Variants in PARD3 observed in about 807,000 individuals in gnomAD.
PARD3 encodes the protein par-3 family cell polarity regulator, also known as partitioning defective 3 homolog.
In PARD3, 75 loss-of-function variants were observed where a neutral mutation model predicts 155.4. That is an observed-to-expected ratio of 0.48 (90% confidence interval 0.40 to 0.58). PARD3 has a LOEUF of 0.58. Among genes scored for constraint, PARD3 ranks in the 20% least tolerant of loss-of-function variants. The pLI is 0.00. For missense variants in PARD3, 1,642 were observed against 1,721.7 expected, an observed-to-expected ratio of 0.95 and a Z score of 0.82; for synonymous variants, 576 against 610.5, an observed-to-expected ratio of 0.94 and a Z score of 0.83.
At chr10:34,501,411 G>A (rs1279242600) in intron 3 of PARD3, among the ~76,000 whole-genome samples, 1 of 152,008 alleles carries the variant, frequency 6.6e-6, no homozygotes, top group African/African-American at 2.4e-5. Flanking sequence ...GGCTTCCCTA[G>A]ATGCCAAGCA....
intron 18 of PARD3, among the ~76,000 whole-genome samples, chr10:34,334,183 TTC>T (rs1315421739): frequency 1.3e-5 from 2 of 151,714 alleles, no homozygotes. Context: ...AGAAATCCAA[TTC>T]TCTTCTTATA....
At chr10:34,756,622 T>A (rs1039497163) in intron 1 of PARD3, among the ~76,000 whole-genome samples, 14 of 151,980 alleles carry the variant, frequency 9.2e-5, no homozygotes, top group African/African-American at 3.1e-4. Flanking sequence ...CTTGACTAGT[T>A]TTTTTACTTT....
chr10:34,687,228 A>AT (rs1281856029), intron 2 of PARD3, among the ~76,000 whole-genome samples: 1 of 152,148 alleles, frequency 6.6e-6, no homozygotes, highest in African/African-American at 2.4e-5. Flanking sequence ...TTTTATTACC[A>AT]TAAGAGGCAC....
chr10:34,391,141 C>T (rs900682286), intron 7 of PARD3, among the ~76,000 whole-genome samples: 7 of 152,102 alleles, frequency 4.6e-5, no homozygotes, highest in Non-Finnish European at 8.8e-5. Context: ...GCCCACTTAA[C>T]CCACCCAAAC....
chr10:34,624,700 C>T (rs2091892181), intron 2 of PARD3, among the ~76,000 whole-genome samples: 1 of 152,238 alleles, frequency 6.6e-6, no homozygotes, highest in Non-Finnish European at 1.5e-5. Flanking sequence ...ACACTGTGCC[C>T]TGCACAGGCC....
At chr10:34,777,463 C>T (rs978182251) in intron 1 of PARD3, among the ~76,000 whole-genome samples, 26 of 152,180 alleles carry the variant, frequency 1.7e-4, no homozygotes, top group African/African-American at 6.3e-4. Context: ...CCTCTCTCTC[C>T]CCGCACAGGG....
intron 1 of PARD3, among the ~76,000 whole-genome samples, chr10:34,776,482 A>G (rs1336651670): frequency 6.6e-6 from 1 of 152,180 alleles, no homozygotes; most frequent in Admixed American, 6.5e-5. Context: ...GGAGGAAACA[A>G]AAATGTGGTA....
chr10:34,545,482 T>C (rs1458363222), intron 2 of PARD3, among the ~76,000 whole-genome samples: 8 of 152,202 alleles, frequency 5.3e-5, no homozygotes, highest in African/African-American at 1.2e-4. Context: ...AGAAAAAATA[T>C]TATAACTGCC....
At chr10:34,207,978 A>G (rs1951559393) in intron 22 of PARD3, among the ~76,000 whole-genome samples, 1 of 152,224 alleles carries the variant, frequency 6.6e-6, no homozygotes, top group Non-Finnish European at 1.5e-5. Context: ...CTCTCTCTGG[A>G]TAATATATGC....
At chr10:34,379,151 T>C (rs1335648858) in intron 9 of PARD3, among the ~76,000 whole-genome samples, 1 of 151,884 alleles carries the variant, frequency 6.6e-6, no homozygotes, top group Non-Finnish European at 1.5e-5. Context: ...TCTGTAAAGG[T>C]GAAAAATCTA....
At chr10:34,198,820 TC>T (rs1163147768) in intron 22 of PARD3, among the ~76,000 whole-genome samples, 1 of 152,054 alleles carries the variant, frequency 6.6e-6, no homozygotes, top group Non-Finnish European at 1.5e-5. Context: ...ACCCCAGGCC[TC>T]CCATGTATTT....
At chr10:34,130,380 C>G (rs1018572116) in intron 23 of PARD3, among the ~76,000 whole-genome samples, 1 of 152,172 alleles carries the variant, frequency 6.6e-6, no homozygotes, top group Admixed American at 6.5e-5. Context: ...TTCCAACCCC[C>G]ACTAAAGAAT....
At chr10:34,223,050 C>T (rs996039013) in intron 22 of PARD3, among the ~76,000 whole-genome samples, 5 of 152,086 alleles carry the variant, frequency 3.3e-5, no homozygotes, top group Non-Finnish European at 7.4e-5. Context: ...CCTCTGTGTT[C>T]GGTAAGTCCC....
At chr10:34,402,862 C>T (rs754909091) in intron 5 of PARD3, among the ~76,000 whole-genome samples, 1 of 152,156 alleles carries the variant, frequency 6.6e-6, no homozygotes, top group Non-Finnish European at 1.5e-5. Context: ...TGAAAAGCCA[C>T]CCAAGAATCT....
At chr10:34,750,993 T>G (rs1433871557) in intron 1 of PARD3, among the ~76,000 whole-genome samples, 1 of 152,088 alleles carries the variant, frequency 6.6e-6, no homozygotes, top group African/African-American at 2.4e-5. Flanking sequence ...CCAGATGACC[T>G]AAGAATATGT....
intron 21 of PARD3, among the ~76,000 whole-genome samples, chr10:34,277,368 GA>G (rs1955937433): frequency 6.6e-6 from 1 of 152,132 alleles, no homozygotes. Flanking sequence ...CCTGCCAGGT[GA>G]ATCTAACAAC....
chr10:34,578,053 T>TC (rs1055507481), intron 2 of PARD3, among the ~76,000 whole-genome samples: 1 of 151,070 alleles, frequency 6.6e-6, no homozygotes, highest in Non-Finnish European at 1.5e-5. Flanking sequence ...TGTTGCTCTT[T>TC]TTTTTTTTCT....
chr10:34,720,813 T>C (rs1414356320), intron 1 of PARD3, among the ~76,000 whole-genome samples: 2 of 151,010 alleles, frequency 1.3e-5, no homozygotes, highest in African/African-American at 4.9e-5. Context: ...AAAAAAAGAA[T>C]TCTTAACCCA....
chr10:34,293,373 A>T (rs1325827308), intron 20 of PARD3, among the ~76,000 whole-genome samples: 1 of 152,164 alleles, frequency 6.6e-6, no homozygotes, highest in Admixed American at 6.5e-5. Context: ...TACCCAGGTA[A>T]TCAAACCACA....
Sources: allele counts gnomAD v4.1 joint callset (sites outside exome capture counted in the v4.1 genomes callset), GRCh38; gene constraint gnomAD v4.1.1; transcripts MANE v1.5; gene names NCBI Gene and HGNC (gene_info 2026-07-23, HGNC 2026-07-21).